The following EPHA3 variants were observed in gnomAD, a reference collection of about 807,000 sequenced individuals.
EPHA3 encodes the protein ephrin type-A receptor 3.
In EPHA3, 42 loss-of-function variants were observed where a neutral mutation model predicts 107.1. The observed-to-expected ratio is 0.39, with a 90% CI of 0.31 to 0.51. The LOEUF is 0.51. EPHA3 is among the 20% of genes least tolerant of loss of function. The pLI is 0.78. For synonymous variants in EPHA3, 461 were observed against 424.8 expected (o/e 1.09, Z -1.05); for missense variants, 1,183 against 1,211.2 (o/e 0.98, Z 0.35).
intron 13 of EPHA3, among the ~76,000 whole-genome samples, chr3:89,441,644 A>G (rs1321575422): frequency 6.6e-6 from 1 of 152,202 alleles, no homozygotes; most frequent in Non-Finnish European, 1.5e-5. Context: ...TTTCTAAACC[A>G]GAAAAAAATA....
intron 5 of EPHA3, among the ~76,000 whole-genome samples, chr3:89,372,005 TAA>T (rs559474252): frequency 0.016 from 2,307 of 144,024 alleles, 44 homozygotes; most frequent in African/African-American, 0.055. Context: ...TTTCTTCAAT[TAA>T]AAAAAAAAAT....
At chr3:89,365,947 G>C (rs1441351200) in intron 5 of EPHA3, among the ~76,000 whole-genome samples, 2 of 150,668 alleles carry the variant, frequency 1.3e-5, no homozygotes, top group Non-Finnish European at 3.0e-5. Flanking sequence ...TAGCAGAAAT[G>C]CTTCTTGATT....
rs116296296 is a variant in EPHA3 at position 89,153,178 on chromosome 3, G to A, written c.153+25905G>A. On this transcript the variant is annotated intron_variant, in intron 2 of 16. Transcript: ENST00000336596. ...TGAATTGACATGGGTAAAGGAAAAGGCACTTAAATCTAGAATTTCAGCTTC... is the reference window on the plus strand; with the variant it reads ...TGAATTGACATGGGTAAAGGAAAAGACACTTAAATCTAGAATTTCAGCTTC... 9.6e-3 allele frequency among the ~76,000 whole-genome samples: 1,466 copies of A among 152,160 alleles called. 15 individuals are homozygous for A. The highest frequency in any genetic ancestry group is 0.026 in the East Asian group (134 of 5,154).
At chr3:89,353,918 G>A (rs1290961023) in intron 5 of EPHA3, among the ~76,000 whole-genome samples, 1 of 151,232 alleles carries the variant, frequency 6.6e-6, no homozygotes, top group Non-Finnish European at 1.5e-5. Context: ...TAATGGAGAA[G>A]ACATGTACGT....
At chr3:89,347,507 A>T in intron 5 of EPHA3, among the ~76,000 whole-genome samples, 1 of 148,376 alleles carries the variant, frequency 6.7e-6, no homozygotes, top group African/African-American at 2.5e-5. Context: ...GCTTAAGGAG[A>T]TTTTGGGCTG....
chr3:89,230,211 G>C (rs1419807759), intron 3 of EPHA3, among the ~76,000 whole-genome samples: 3 of 152,074 alleles, frequency 2.0e-5, no homozygotes, highest in Non-Finnish European at 4.4e-5. Context: ...GGACTATGGA[G>C]AATAGAAAGG....
At chr3:89,277,091 C>G (rs1173898008) in intron 3 of EPHA3, among the ~76,000 whole-genome samples, 1 of 152,092 alleles carries the variant, frequency 6.6e-6, no homozygotes, top group Admixed American at 6.6e-5. Flanking sequence ...GACATGGTAT[C>G]TTCGTGTGTT....
chr3:89,165,571 T>C (rs370266613), intron 2 of EPHA3, among the ~76,000 whole-genome samples: 9 of 152,208 alleles, frequency 5.9e-5, no homozygotes, highest in African/African-American at 2.2e-4. Context: ...GTAGTCAAAA[T>C]GATCCATTCA....
At chr3:89,212,853 A>G (rs1400244666) in intron 3 of EPHA3, among the ~76,000 whole-genome samples, 1 of 151,988 alleles carries the variant, frequency 6.6e-6, no homozygotes, top group African/African-American at 2.4e-5. Flanking sequence ...TGGAATGCTA[A>G]CTTTATTCCT....
chr3:89,467,000 C>T (rs954001455), intron 15 of EPHA3, among the ~76,000 whole-genome samples: 2 of 152,054 alleles, frequency 1.3e-5, no homozygotes, highest in East Asian at 3.9e-4. Flanking sequence ...CTTTATTTCT[C>T]CTTAATGTGT....
chr3:89,437,698 C>G (rs1225608580), intron 13 of EPHA3, among the ~76,000 whole-genome samples: 1 of 152,136 alleles, frequency 6.6e-6, no homozygotes, highest in South Asian at 2.1e-4. Context: ...TGTTGAAATA[C>G]ATGGAATCCA....
intron 2 of EPHA3, among the ~76,000 whole-genome samples, chr3:89,190,036 A>T (rs7631932): frequency 6.6e-6 from 1 of 152,068 alleles, no homozygotes; most frequent in African/African-American, 2.4e-5. Flanking sequence ...CTTCCTGTGC[A>T]ACAGTATTAA....
intron 5 of EPHA3, among the ~76,000 whole-genome samples, chr3:89,385,479 T>G (rs9841460): frequency 0.019 from 2,826 of 152,276 alleles, 87 homozygotes; most frequent in African/African-American, 0.064. Context: ...CACTTCTACT[T>G]CCTGCTGCCA....
rs569767991 is a variant in EPHA3 at position 89,305,912 on chromosome 3, A to G, written c.815-35004A>G. ...TATCATACCGAAGTAATTTTTATGG[A>G]AAGTTCTATTTCCTAGAGTAGGAGA... On this transcript the variant is annotated intron_variant, in intron 3 of 16. Transcript: ENST00000336596. 3.3e-5 allele frequency among the ~76,000 whole-genome samples: 5 copies of G among 152,300 alleles called. No individual in the cohort carries two copies. In the East Asian group the frequency reaches 9.7e-4, roughly 29 times the overall value.
intron 11 of EPHA3, among the ~76,000 whole-genome samples, chr3:89,420,352 G>T (rs1709331093): frequency 6.6e-6 from 1 of 151,368 alleles, no homozygotes; most frequent in Admixed American, 6.6e-5. Flanking sequence ...ACTTTAGCAT[G>T]ACTAAAAAGG....
rs539005634 is a variant in EPHA3, at chr3:89,411,165, C to CT, written c.1763-1965dup. Among the ~76,000 whole-genome samples the CT allele has an allele frequency of 3.0e-3, 447 of 146,964 alleles. 4 individuals carry two copies. Among genetic ancestry groups the CT allele is most frequent in the African/African-American group, 9.0e-3 (364 of 40,328 alleles). On this transcript the variant is annotated intron_variant, in intron 9 of 16. Transcript: ENST00000336596. The stretch of plus-strand genomic sequence containing the variant: ...CATGCTAGGCATTTGAATAGTATAG[C>CT]TTTTTTTTTTTCTCAGAGCCCTAGC...
intron 3 of EPHA3, among the ~76,000 whole-genome samples, chr3:89,221,998 A>G (rs1237323132): frequency 6.6e-6 from 1 of 152,142 alleles, no homozygotes. Flanking sequence ...ACATAGGATT[A>G]GGTAAGCCTC....
intron 3 of EPHA3, among the ~76,000 whole-genome samples, chr3:89,261,276 A>G (rs1385410089): frequency 2.0e-5 from 3 of 152,162 alleles, no homozygotes; most frequent in Non-Finnish European, 4.4e-5. Context: ...CTCGTGCCTC[A>G]GACTGTCTTT....
rs550929552 is a variant in EPHA3, at chr3:89,401,216, A to T, written c.1594+1736A>T. Among the ~76,000 whole-genome samples the T allele has an allele frequency of 7.7e-4, 117 of 152,360 alleles. 1 individual carries two copies. The highest frequency in any genetic ancestry group is 2.6e-3 in the African/African-American group (107 of 41,584). ...CACACTTTCTGTCGGACAATTAGAA[A>T]TGCTGCTTACAATAAGGAGCTATAA... is the stretch of plus-strand genomic sequence containing the variant. On this transcript the variant is annotated intron_variant, in intron 7 of 16. Transcript: ENST00000336596.
Sources: allele counts gnomAD v4.1 joint callset (sites outside exome capture counted in the v4.1 genomes callset), GRCh38; gene constraint gnomAD v4.1.1; transcripts MANE v1.5; gene names NCBI Gene and HGNC (gene_info 2026-07-23, HGNC 2026-07-21).